The following HIVEP3 variants were observed in gnomAD, a reference collection of about 807,000 sequenced individuals.
HIVEP3 encodes the protein HIVEP zinc finger 3, also known as transcription factor HIVEP3.
HIVEP3 carries 49 observed loss-of-function variants against 152.8 expected under a neutral mutation model. The ratio of observed to expected loss-of-function variants is 0.32; its 90% CI spans 0.26 to 0.41. HIVEP3 has a LOEUF of 0.41. Ranked by LOEUF, HIVEP3 falls within the 10% of genes least tolerant of loss-of-function variation. The pLI, the probability that HIVEP3 is intolerant of heterozygous loss-of-function variation, is 1.00. For missense variants in HIVEP3, 2,790 were observed against 3,103.3 expected (o/e 0.90, Z 2.40); for synonymous variants, 1,269 against 1,289.0 (o/e 0.98, Z 0.33).
chr1:41,703,986 C>T (rs956263746), intron 1 of HIVEP3, among the ~76,000 whole-genome samples: 14 of 152,196 alleles, frequency 9.2e-5, no homozygotes, highest in Non-Finnish European at 1.8e-4. Flanking sequence ...AATTCAAGTC[C>T]TCACTCTTGT....
chr1:41,841,671 C>G (rs1161245274), intron 1 of HIVEP3, among the ~76,000 whole-genome samples: 1 of 152,204 alleles, frequency 6.6e-6, no homozygotes, highest in African/African-American at 2.4e-5. Context: ...CCATTTTGAA[C>G]AAGTTATCTA....
chr1:41,848,407 T>G (rs1218563862), intron 1 of HIVEP3: 1 of 152,256 alleles, frequency 6.6e-6, no homozygotes, highest in African/African-American at 2.4e-5. Context: ...CTGGATGGAT[T>G]GCCAGATGAT....
intron 1 of HIVEP3, among the ~76,000 whole-genome samples, chr1:41,737,769 G>T (rs1348919167): frequency 6.6e-6 from 1 of 152,162 alleles, no homozygotes; most frequent in South Asian, 2.1e-4. Flanking sequence ...CAAGGCCTTG[G>T]TGATGATGAG....
At chr1:41,891,607 A>C (rs1644447774) in intron 1 of HIVEP3, among the ~76,000 whole-genome samples, 1 of 152,148 alleles carries the variant, frequency 6.6e-6, no homozygotes, top group South Asian at 2.1e-4. Context: ...GCTAGATCTC[A>C]GCAAATGATT....
At chr1:41,982,218 G>A (rs1020301228) in intron 1 of HIVEP3, among the ~76,000 whole-genome samples, 1 of 152,186 alleles carries the variant, frequency 6.6e-6, no homozygotes, top group Non-Finnish European at 1.5e-5. Context: ...GGAAAGGTCC[G>A]AATCCACCTG....
At chr1:41,949,934 T>C (rs183896866) in intron 1 of HIVEP3, among the ~76,000 whole-genome samples, 4 of 152,224 alleles carry the variant, frequency 2.6e-5, no homozygotes, top group Admixed American at 1.3e-4. Context: ...AGGAAGCAGT[T>C]AGAGCGGTCA....
chr1:41,915,438 C>T (rs1305709214), intron 1 of HIVEP3, among the ~76,000 whole-genome samples: 2 of 152,096 alleles, frequency 1.3e-5, no homozygotes, highest in Non-Finnish European at 2.9e-5. Flanking sequence ...CTTTAATAAT[C>T]CTTGCACAGT....
chr1:41,567,994 C>T (rs1644193362), intron 5 of HIVEP3, among the ~76,000 whole-genome samples: 2 of 152,232 alleles, frequency 1.3e-5, no homozygotes, highest in Non-Finnish European at 2.9e-5. Flanking sequence ...GGGACCTGCC[C>T]TCTCACCCAA....
rs115826110 is a variant in HIVEP3, at chr1:41,560,160, G to A, written c.5207+15384C>T. ...AGAAAAAGAGGTCAACTTTCTACAT[G>A]CCAAGTACATTACACACAAATGCCA... On this transcript the variant is annotated intron_variant, in intron 5 of 8. Coordinates refer to ENST00000372583, the MANE Select transcript of HIVEP3 (RefSeq NM_024503.5). Among the ~76,000 whole-genome samples, 1,158 of 152,330 alleles carry A rather than the reference G, an allele frequency of 7.6e-3. 13 individuals carry two copies. Among genetic ancestry groups the A allele is most frequent in the Middle Eastern group, 0.034 (10 of 294 alleles).
At chr1:41,628,439 G>A (rs1645148271) in intron 3 of HIVEP3, among the ~76,000 whole-genome samples, 1 of 152,142 alleles carries the variant, frequency 6.6e-6, no homozygotes, top group Non-Finnish European at 1.5e-5. Flanking sequence ...GGGGGCTGTG[G>A]CCCTTTGAGA....
At chr1:41,924,794 T>A (rs1480660503) in intron 1 of HIVEP3, among the ~76,000 whole-genome samples, 1 of 152,204 alleles carries the variant, frequency 6.6e-6, no homozygotes, top group Non-Finnish European at 1.5e-5. Context: ...CTCACTGATT[T>A]TTGTTCTTCT....
chr1:41,878,541 T>C (rs1311603335), intron 1 of HIVEP3, among the ~76,000 whole-genome samples: 1 of 152,160 alleles, frequency 6.6e-6, no homozygotes, highest in African/African-American at 2.4e-5. Context: ...AAAATATAGA[T>C]TGATGGTGGG....
chr1:41,831,481 T>G (rs1184880800), intron 1 of HIVEP3, among the ~76,000 whole-genome samples: 1 of 152,252 alleles, frequency 6.6e-6, no homozygotes, highest in Non-Finnish European at 1.5e-5. Flanking sequence ...CAGTTTTTTA[T>G]GCTGAAACGG....
chr1:41,646,218 T>G (rs1387865774), intron 2 of HIVEP3, among the ~76,000 whole-genome samples: 1 of 152,118 alleles, frequency 6.6e-6, no homozygotes, highest in Non-Finnish European at 1.5e-5. Context: ...AAAGGCCTTC[T>G]TCATCAGCCT....
At chr1:41,515,038 C>T (rs563412309) in intron 7 of HIVEP3, among the ~76,000 whole-genome samples, 17 of 152,334 alleles carry the variant, frequency 1.1e-4, no homozygotes, top group East Asian at 3.9e-4. Flanking sequence ...CTGGCCTGTT[C>T]GCTGGCCCAT....
chr1:41,584,147 C>G lies in HIVEP3; in HGVS notation c.651G>C (p.Glu217Asp). 6.2e-7 allele frequency: 1 copy of G among 1,614,178 alleles called. No homozygotes were observed. The highest frequency in any genetic ancestry group is 8.5e-7 in the Non-Finnish European group (1 of 1,180,036). Residue 217 changes from glutamate to aspartate, a missense_variant, in exon 4 of 9, where the codon GAG becomes GAC. Transcript: ENST00000372583. The surrounding 1 kb of genome is among the most constrained non-coding windows in gnomAD (Gnocchi z 5.2). ...CACAGGGGCCGCAGGGGTAGGGCCTCTCACCTGTGTGTGAGCGAATGTGCT... is the reference window on the plus strand; with the variant it reads ...CACAGGGGCCGCAGGGGTAGGGCCTGTCACCTGTGTGTGAGCGAATGTGCT... The part of the protein sequence containing the change: ...LQKHIRSHTG[E>D]RPYPCGPCGF...
chr1:41,919,397 C>T (rs762723355), upstream of HIVEP3, among the ~76,000 whole-genome samples: 4 of 152,234 alleles, frequency 2.6e-5, no homozygotes, highest in East Asian at 7.7e-4. Flanking sequence ...GAGAGCTCAA[C>T]ACGGGCACTC....
intron 5 of HIVEP3, among the ~76,000 whole-genome samples, chr1:41,545,005 C>CCACCTCTACCACCACCAT (rs2149074395): frequency 1.0e-5 from 1 of 97,362 alleles, no homozygotes; most frequent in African/African-American, 4.2e-5. Flanking sequence ...GCTACCATCA[C>CCACCTCTACCACCACCAT]CACCACCACC....
intron 2 of HIVEP3, among the ~76,000 whole-genome samples, chr1:41,635,352 T>C (rs1332445060): frequency 6.6e-6 from 1 of 151,544 alleles, no homozygotes; most frequent in East Asian, 1.9e-4. Flanking sequence ...TTAAGAAAGG[T>C]TGAAACTAAA....
Sources: gnomAD v4.1 joint callset for allele counts (sites outside exome capture counted in the v4.1 genomes callset) on GRCh38, gnomAD v4.1.1 for gene constraint, Gnocchi (gnomAD v3.1) non-coding constraint, MANE v1.5 for transcripts, NCBI Gene and HGNC (gene_info 2026-07-23, HGNC 2026-07-21) for gene names.